GFOD2: variants seen among roughly 807,000 people sequenced by gnomAD.
GFOD2 encodes glucose-fructose oxidoreductase domain-containing protein 2.
A neutral mutation model predicts 24.6 loss-of-function variants in GFOD2; 9 were observed. The ratio of observed to expected loss-of-function variants is 0.37; its 90% CI spans 0.22 to 0.64. GFOD2 has a LOEUF of 0.64. Ranked by LOEUF, GFOD2 falls within the 30% of genes least tolerant of loss-of-function variation. GFOD2 has a pLI of 0.65. For missense variants in GFOD2, 476 were observed against 532.5 expected, an observed-to-expected ratio of 0.89 and a Z score of 1.04; for synonymous variants, 211 against 224.8, an observed-to-expected ratio of 0.94 and a Z score of 0.55.
At chr16:67,718,989 C>T (rs1440845879) in intron 1 of GFOD2, among the ~76,000 whole-genome samples, 174 bp downstream of exon 1, 1 of 152,204 alleles carries the variant, frequency 6.6e-6, no homozygotes, top group African/African-American at 2.4e-5. Context: ...CCCAAGGCGA[C>T]CCTCCACTCC....
In GFOD2 at chr16:67,675,523, C is replaced by T; in HGVS notation, c.790G>A (p.Gly264Arg). ...VGSAGRLVAR[G>R]ADLYGQKNSA... ...TTCTTCTGCCCATAGAGGTCGGCTCCCCGGGCGACGAGGCGTCCTGCAGAG... is the reference window on the plus strand; with the variant it reads ...TTCTTCTGCCCATAGAGGTCGGCTCTCCGGGCGACGAGGCGTCCTGCAGAG... Residue 264 changes from glycine (G) to arginine (R), a missense_variant, in exon 3 of 3, where the codon GGA becomes AGA. Gly to Arg is a moderately radical substitution (Grantham distance 125, BLOSUM62 -2). Coordinates refer to ENST00000268797, the MANE Select transcript of GFOD2 (RefSeq NM_030819.4). The T allele has an allele frequency of 6.2e-7, 1 of 1,612,780 alleles. No individual in the cohort carries two copies. The highest frequency in any genetic ancestry group is 8.5e-7 in the Non-Finnish European group (1 of 1,180,020).
rs997341994 is a variant in GFOD2, at chr16:67,678,337, G to A, written c.260-2284C>T. 3.9e-5 allele frequency among the ~76,000 whole-genome samples: 6 copies of A among 152,128 alleles called. 1 individual carries two copies. In the South Asian group the frequency reaches 6.2e-4, roughly 16 times the overall value. On this transcript the variant is annotated intron_variant, in intron 2 of 2. Transcript: ENST00000268797. ...ACTAAAAATACAAAATTCGCTGGGC[G>A]TGGTGGCACATGCCTGTAATCCCAG...
intron 1 of GFOD2, among the ~76,000 whole-genome samples, chr16:67,712,296 C>T (rs867083701): frequency 3.9e-5 from 4 of 103,192 alleles, no homozygotes; most frequent in Admixed American, 2.1e-4. Flanking sequence ...CCTCCCCCTC[C>T]CCCTCTCCCT....
At chr16:67,698,086 C>T (rs1168114763) in intron 1 of GFOD2, among the ~76,000 whole-genome samples, 1 of 152,190 alleles carries the variant, frequency 6.6e-6, no homozygotes, top group Non-Finnish European at 1.5e-5. Flanking sequence ...CATCTGAGTC[C>T]AGCCAAGGGA....
intron 2 of GFOD2, among the ~76,000 whole-genome samples, chr16:67,679,670 C>T (rs1367786986): frequency 6.6e-6 from 1 of 151,838 alleles, no homozygotes; most frequent in East Asian, 2.0e-4. Flanking sequence ...GGGTGGATCA[C>T]GAGGTCAGGG....
rs1220198385 is a variant in GFOD2 at position 67,691,520 on chromosome 16, A to C, written c.-87-5718T>G. 4.5e-4 allele frequency among the ~76,000 whole-genome samples: 62 copies of C among 138,820 alleles called. 1 individual carries two copies. The highest frequency in any genetic ancestry group is 1.9e-3 in the African/African-American group (59 of 31,468). The allele number at this position is 138,820 out of a possible 152,430, so 91.1% of individuals were successfully genotyped here. A position where few individuals can be genotyped will look rare whatever the true frequency, so the allele number is the denominator to read the frequency against. The stretch of plus-strand genomic sequence containing the variant: ...ACACTGTGCCTAGACCCCCCCCCAA[A>C]AAAAAAAAAATTAAGACTCTGCGGC... On this transcript the variant is annotated intron_variant, in intron 1 of 2. Transcript: ENST00000268797.
At chr16:67,680,930 AC>A (rs1251193981) in intron 2 of GFOD2, 1 of 985,296 alleles carries the variant, frequency 1.0e-6, no homozygotes, top group African/African-American at 1.7e-5. Flanking sequence ...TACTAGCAGG[AC>A]AATAAAGAAC....
chr16:67,696,014 C>T (rs2053356137), intron 1 of GFOD2, among the ~76,000 whole-genome samples: 1 of 142,710 alleles, frequency 7.0e-6, no homozygotes, highest in Non-Finnish European at 1.5e-5. Flanking sequence ...ATAGGGAACC[C>T]TTTTTTTTTT....
At chr16:67,705,504 A>G (rs2053432825) in intron 1 of GFOD2, among the ~76,000 whole-genome samples, 1 of 152,042 alleles carries the variant, frequency 6.6e-6, no homozygotes, top group African/African-American at 2.4e-5. Flanking sequence ...CACTGTGCCC[A>G]GCCTACCTAC....
chr16:67,693,486 G>C (rs531293717), intron 1 of GFOD2, among the ~76,000 whole-genome samples: 1 of 152,148 alleles, frequency 6.6e-6, no homozygotes, highest in Non-Finnish European at 1.5e-5. Flanking sequence ...TGCCCAAGCT[G>C]GTCTCAAACT....
rs772317050 is a variant in GFOD2, at chr16:67,675,897, T to C, written c.416A>G (p.Glu139Gly). 1 of 1,614,134 alleles carries C rather than the reference T, an allele frequency of 6.2e-7. No individual in the cohort carries two copies. Among genetic ancestry groups the C allele is most frequent in the Non-Finnish European group, 8.5e-7 (1 of 1,180,036 alleles). Residue 139 changes from glutamate to glycine, a missense_variant, in exon 3 of 3, where the codon GAA becomes GGA. Coordinates refer to ENST00000268797, the MANE Select transcript of GFOD2 (RefSeq NM_030819.4). ...GATCATCACCGCTCCCACATAGTGT[T>C]CCGAAATCAGCTGTTTCATGCGCAC... ...AFVRMKQLIS[E>G]HYVGAVMICD...
intron 1 of GFOD2, among the ~76,000 whole-genome samples, chr16:67,700,230 CCGGT>C (rs2053391759): frequency 6.6e-6 from 1 of 151,898 alleles, no homozygotes; most frequent in South Asian, 2.1e-4. Context: ...AAAAAATTAG[CCGGT>C]CATGACAGTA....
chr16:67,679,953 C>G (rs1365653816), intron 2 of GFOD2, among the ~76,000 whole-genome samples: 2 of 152,086 alleles, frequency 1.3e-5, no homozygotes, highest in Non-Finnish European at 2.9e-5. Context: ...AGCTGGAGTG[C>G]AGTAGCGGGA....
At chr16:67,698,417 C>T (rs1203354842) in intron 1 of GFOD2, among the ~76,000 whole-genome samples, 7 of 152,208 alleles carry the variant, frequency 4.6e-5, no homozygotes, top group Non-Finnish European at 1.0e-4. Flanking sequence ...TTTGAGTACA[C>T]TGACTGTTTC....
At chr16:67,703,558 AG>A (rs1162177553) in intron 1 of GFOD2, among the ~76,000 whole-genome samples, 2 of 152,232 alleles carry the variant, frequency 1.3e-5, no homozygotes, top group East Asian at 1.9e-4. Context: ...CTCAACTGGC[AG>A]GAACTGTCAC....
intron 1 of GFOD2, among the ~76,000 whole-genome samples, chr16:67,702,772 T>C (rs1358360386): frequency 2.0e-5 from 3 of 151,704 alleles, no homozygotes; most frequent in Admixed American, 1.3e-4. Context: ...AATTTTTGTA[T>C]TTTTTAGTAG....
chr16:67,697,282 A>T (rs186042420), intron 1 of GFOD2, among the ~76,000 whole-genome samples: 14 of 152,310 alleles, frequency 9.2e-5, no homozygotes, highest in African/African-American at 2.9e-4. Flanking sequence ...GATTGAGTTA[A>T]TATTTGTAGA....
intron 2 of GFOD2, chr16:67,682,894 G>A (rs1475095301): frequency 1.1e-6 from 1 of 905,242 alleles, no homozygotes; most frequent in Admixed American, 6.2e-5. Context: ...TCACCTGCAA[G>A]GCTTGTTCAG....
chr16:67,696,188 T>A (rs1211844648), intron 1 of GFOD2, among the ~76,000 whole-genome samples: 1 of 151,984 alleles, frequency 6.6e-6, no homozygotes, highest in Non-Finnish European at 1.5e-5. Context: ...TAATTTTTTG[T>A]ATTTTTAGTA....
Sources: allele counts gnomAD v4.1 joint callset (sites outside exome capture counted in the v4.1 genomes callset), GRCh38; gene constraint gnomAD v4.1.1; transcripts MANE v1.5; gene names NCBI Gene and HGNC (gene_info 2026-07-23, HGNC 2026-07-21).